The following NRXN1 variants were observed in gnomAD, a reference collection of about 807,000 sequenced individuals.
NRXN1 encodes the protein neurexin-1.
A neutral mutation model predicts 150.9 loss-of-function variants in NRXN1; 39 were observed. The observed-to-expected ratio is 0.26, with a 90% CI of 0.20 to 0.34. The LOEUF is 0.34. Among genes scored for constraint, NRXN1 ranks in the 10% least tolerant of loss-of-function variants. NRXN1 has a pLI of 1.00. For missense variants in NRXN1, 1,815 were observed against 1,949.9 expected (o/e 0.93, Z 1.30); for synonymous variants, 924 against 757.0 (o/e 1.22, Z -3.62).
intron 21 of NRXN1, among the ~76,000 whole-genome samples, chr2:49,971,457 A>G (rs900072553): frequency 6.6e-6 from 1 of 152,154 alleles, no homozygotes; most frequent in African/African-American, 2.4e-5. Context: ...GTAACCAGAC[A>G]TTTAATAACA....
intron 19 of NRXN1, among the ~76,000 whole-genome samples, chr2:50,060,299 G>A (rs926127041): frequency 2.6e-5 from 4 of 152,104 alleles, no homozygotes; most frequent in African/African-American, 9.7e-5. Flanking sequence ...AGATTTGCAT[G>A]GGGCCTGTAG....
At chr2:50,637,019 T>C (rs1273687809) in intron 5 of NRXN1, among the ~76,000 whole-genome samples, 25 of 152,128 alleles carry the variant, frequency 1.6e-4, no homozygotes, top group South Asian at 2.1e-4. Flanking sequence ...ATGGGCTCCA[T>C]GGATAGAGCC....
intron 18 of NRXN1, among the ~76,000 whole-genome samples, chr2:50,137,797 T>A (rs1706646643): frequency 6.6e-6 from 1 of 152,212 alleles, no homozygotes; most frequent in Admixed American, 6.5e-5. Context: ...AAAAGTAATG[T>A]TTTAAAAAGA....
intron 18 of NRXN1, among the ~76,000 whole-genome samples, chr2:50,135,629 T>C (rs775007685): frequency 1.4e-4 from 22 of 152,074 alleles, no homozygotes; most frequent in Non-Finnish European, 2.6e-4. Flanking sequence ...AGTCAGAGCT[T>C]GCAGTGAGCT....
At chr2:50,195,797 T>G (rs1282845478) in intron 18 of NRXN1, among the ~76,000 whole-genome samples, 2 of 152,084 alleles carry the variant, frequency 1.3e-5, no homozygotes, top group Non-Finnish European at 2.9e-5. Context: ...GCTCTTACTT[T>G]TAGGACTATT....
intron 17 of NRXN1, among the ~76,000 whole-genome samples, chr2:50,321,528 G>T (rs971048996): frequency 6.6e-6 from 1 of 152,090 alleles, no homozygotes; most frequent in Admixed American, 6.6e-5. Context: ...TTATAAATTT[G>T]TAGTGAGAAT....
intron 13 of NRXN1, among the ~76,000 whole-genome samples, chr2:50,504,279 A>G (rs1479417315): frequency 6.6e-6 from 1 of 152,142 alleles, no homozygotes; most frequent in African/African-American, 2.4e-5. Flanking sequence ...ATAAATTGTT[A>G]TCTATGCAAA....
chr2:50,108,896 G>A (rs369487664), intron 18 of NRXN1, among the ~76,000 whole-genome samples: 23 of 152,118 alleles, frequency 1.5e-4, no homozygotes, highest in Admixed American at 2.0e-4. Flanking sequence ...ACTACTTGCT[G>A]TAAACCGAAA....
intron 8 of NRXN1, among the ~76,000 whole-genome samples, chr2:50,601,141 A>C (rs1241995583): frequency 6.6e-6 from 1 of 152,106 alleles, no homozygotes; most frequent in Non-Finnish European, 1.5e-5. Context: ...TCACCTATTT[A>C]ACTACAGGGT....
At chr2:50,451,533 G>C (rs2086965193) in intron 17 of NRXN1, among the ~76,000 whole-genome samples, 1 of 152,098 alleles carries the variant, frequency 6.6e-6, no homozygotes, top group Non-Finnish European at 1.5e-5. Flanking sequence ...AGGGAAAATA[G>C]TACTCACCTT....
chr2:49,982,134 A>G (rs992438542), intron 21 of NRXN1, among the ~76,000 whole-genome samples: 2 of 152,100 alleles, frequency 1.3e-5, no homozygotes, highest in African/African-American at 4.8e-5. Context: ...ATGCCGGGTC[A>G]TCCAATTCAA....
At chr2:50,632,028 A>C (rs1682414070) in intron 5 of NRXN1, among the ~76,000 whole-genome samples, 1 of 151,864 alleles carries the variant, frequency 6.6e-6, no homozygotes, top group South Asian at 2.1e-4. Context: ...TTAATAAATA[A>C]GTAAATTATA....
At chr2:50,516,316 C>T (rs1265809730) in intron 12 of NRXN1, among the ~76,000 whole-genome samples, 1 of 152,090 alleles carries the variant, frequency 6.6e-6, no homozygotes, top group East Asian at 1.9e-4. Context: ...GCATATGGCA[C>T]GGTGTGACTG....
At chr2:50,892,935 C>G (rs975846133) in intron 5 of NRXN1, among the ~76,000 whole-genome samples, 1 of 152,112 alleles carries the variant, frequency 6.6e-6, no homozygotes, top group South Asian at 2.1e-4. Context: ...TCTGGGTTTG[C>G]CCCTAGCCAA....
intron 21 of NRXN1, among the ~76,000 whole-genome samples, chr2:49,962,468 T>C (rs1237335390): frequency 6.6e-6 from 1 of 152,204 alleles, no homozygotes; most frequent in Non-Finnish European, 1.5e-5. Flanking sequence ...GAATGTAATA[T>C]GTAATGCCTG....
intron 17 of NRXN1, among the ~76,000 whole-genome samples, chr2:50,358,920 C>G (rs1043660918): frequency 6.6e-6 from 1 of 152,240 alleles, no homozygotes; most frequent in Non-Finnish European, 1.5e-5. Flanking sequence ...ACAGCCTCCA[C>G]TGGTGATACC....
intron 5 of NRXN1, among the ~76,000 whole-genome samples, chr2:50,897,652 A>C (rs1321988135): frequency 6.6e-6 from 1 of 152,240 alleles, no homozygotes; most frequent in Non-Finnish European, 1.5e-5. Flanking sequence ...GAAATGAAGA[A>C]GCCACACACA....
rs182469151 is a variant in NRXN1 at position 49,994,510 on chromosome 2, T to G, written c.4129-50719A>C. ...TTTATTGCATTCTACACCCATGGAT[T>G]CCTGAAGGTTAGAGTATATTTAAAC... is the stretch of plus-strand genomic sequence containing the variant. On this transcript the variant is annotated intron_variant, in intron 21 of 22. Coordinates refer to ENST00000401669, the MANE Select transcript of NRXN1 (RefSeq NM_001330078.2). 7.1e-4 allele frequency among the ~76,000 whole-genome samples: 108 copies of G among 152,328 alleles called. No individual in the cohort carries two copies. The Middle Eastern group carries it at 0.017, about 24-fold the overall frequency.
chr2:50,400,394 T>C (rs1295489819), intron 17 of NRXN1, among the ~76,000 whole-genome samples: 6 of 152,044 alleles, frequency 3.9e-5, no homozygotes, highest in African/African-American at 7.2e-5. Flanking sequence ...AGGAGTGCTA[T>C]TGGGGGGTAG....
Sources: gnomAD v4.1 joint callset for allele counts (sites outside exome capture counted in the v4.1 genomes callset) on GRCh38, gnomAD v4.1.1 for gene constraint, MANE v1.5 for transcripts, NCBI Gene and HGNC (gene_info 2026-07-23, HGNC 2026-07-21) for gene names.